Variants in ATAD3C observed in about 807,000 individuals in gnomAD.
The protein encoded by ATAD3C is ATPase family AAA domain containing 3C.
ATAD3C carries 38 observed loss-of-function variants against 46.3 expected under a neutral mutation model. The ratio of observed to expected loss-of-function variants is 0.82; its 90% confidence interval spans 0.63 to 1.08. The LOEUF (loss-of-function observed/expected upper bound fraction) is 1.08, where lower values mean the gene tolerates loss of function less well. Among genes scored for constraint, ATAD3C ranks in the 50% least tolerant of loss-of-function variants. The pLI is 0.00. For missense variants in ATAD3C, 563 were observed against 572.7 expected (o/e 0.98, Z 0.17); for synonymous variants, 220 against 236.4 (o/e 0.93, Z 0.63).
intron 2 of ATAD3C, 103 bp downstream of exon 2, chr1:1,452,225 G>A (rs1638872985): frequency 6.3e-7 from 1 of 1,579,744 alleles, no homozygotes; most frequent in Non-Finnish European, 8.6e-7. Context: ...GGCCGCTGTA[G>A]GCTGGCTCCT....
intron 1 of ATAD3C, 86 bp from the exon 2 acceptor site, chr1:1,451,960 T>C: frequency 6.4e-7 from 1 of 1,560,502 alleles, no homozygotes. Context: ...AGCCCTGCGG[T>C]CCTGGGGCGG....
intron 1 of ATAD3C, 136 bp downstream of exon 1, chr1:1,450,894 C>T (rs530374642): frequency 1.7e-5 from 24 of 1,381,760 alleles, no homozygotes; most frequent in Middle Eastern, 2.5e-4. Context: ...CAAGCTTGGG[C>T]GCCTCATTTC....
chr1:1,468,241 G>T (rs1383787082), intron 11 of ATAD3C, 143 bp from the exon 12 acceptor site: 8 of 1,362,380 alleles, frequency 5.9e-6, no homozygotes, highest in Non-Finnish European at 7.7e-6. Context: ...GCTGGGCTCT[G>T]CCGAGGTGCG....
chr1:1,466,455 AG>A (rs201813239), intron 11 of ATAD3C, among the ~76,000 whole-genome samples: 4,035 of 144,474 alleles, frequency 0.028, 212 homozygotes, highest in African/African-American at 0.098. Context: ...CAGGTGGCTG[AG>A]GCAAGAGAAT....
intron 9 of ATAD3C, among the ~76,000 whole-genome samples, chr1:1,460,505 G>A (rs1325459419): frequency 6.6e-6 from 1 of 152,066 alleles, no homozygotes; most frequent in Non-Finnish European, 1.5e-5. Flanking sequence ...ACGGTCAGCG[G>A]GGAAGTACCA....
chr1:1,463,230 C>G lies in ATAD3C; in HGVS notation c.1089+522C>G, dbSNP rs1048473162. Among the ~76,000 whole-genome samples, 35 of 152,088 alleles carry G rather than the reference C, an allele frequency of 2.3e-4. 1 individual carries two copies. The highest frequency in any genetic ancestry group is 8.5e-4 in the African/African-American group (35 of 41,416). Reference sequence around the variant, plus strand: ...TGCAGCTCCATGGCTGCCCCAGGGCCAAGGAGCTGGGACTCACAGGAGTGT... The same window carrying G: ...TGCAGCTCCATGGCTGCCCCAGGGCGAAGGAGCTGGGACTCACAGGAGTGT... On this transcript the variant is annotated intron_variant, in intron 11 of 11. Coordinates refer to ENST00000378785, the MANE Select transcript of ATAD3C (RefSeq NM_001039211.3).
chr1:1,468,321 G>C (rs1484980965), intron 11 of ATAD3C, 63 bp from the exon 12 acceptor site: 19 of 1,558,062 alleles, frequency 1.2e-5, no homozygotes, highest in South Asian at 3.6e-5. Flanking sequence ...TCAGGGCCCT[G>C]GCGTGCATTT....
At position 1,450,322 on chromosome 1, in the gene ATAD3C, C is replaced by CAA. The variant is rs538836491; in HGVS notation, c.-344_-343dup. 74 of 109,402 alleles carry CAA rather than the reference C, an allele frequency of 6.8e-4. No individual in the cohort carries two copies. Among genetic ancestry groups the CAA allele is most frequent in the Non-Finnish European group, 1.1e-3 (54 of 47,326 alleles). 6.8% of individuals were successfully genotyped at this position (109,402 alleles called of 1,614,324 possible). On this transcript the variant is annotated 5_prime_UTR_variant, in exon 1 of 12. It removes the in-frame stop codon of an upstream open reading frame in the 5' UTR. Coordinates refer to ENST00000378785, the MANE Select transcript of ATAD3C (RefSeq NM_001039211.3). ...CCTGGGCCAGAATGAGACTCCGTCT[C>CAA]AAAAAAAAAAAAAAAAAAAGCATGT...
intron 3 of ATAD3C, among the ~76,000 whole-genome samples, chr1:1,453,350 A>G (rs1379687623): frequency 6.6e-6 from 1 of 151,860 alleles, no homozygotes; most frequent in African/African-American, 2.4e-5. Context: ...TTACAGGTGC[A>G]GGTCACCATG....
chr1:1,452,301 CT>C, intron 2 of ATAD3C, 63 bp from the exon 3 acceptor site: 1 of 1,611,298 alleles, frequency 6.2e-7, no homozygotes. Flanking sequence ...CACCCTCAAC[CT>C]GTTCTTGCTA....
chr1:1,454,193 C>T (rs1237800356), intron 3 of ATAD3C, among the ~76,000 whole-genome samples, 152 bp from the exon 4 acceptor site: 2 of 152,130 alleles, frequency 1.3e-5, no homozygotes, highest in Admixed American at 6.5e-5. Flanking sequence ...CTGTGGGATT[C>T]GGGGCTGGGA....
chr1:1,454,560 C>T (rs1020047177), intron 4 of ATAD3C, 60 bp downstream of exon 4: 4 of 1,564,174 alleles, frequency 2.6e-6, no homozygotes, highest in Non-Finnish European at 3.5e-6. Context: ...CCTTCTGCCC[C>T]ACGAGCACAG....
intron 4 of ATAD3C, 144 bp from the exon 5 acceptor site, chr1:1,455,316 G>A (rs1638937352): frequency 1.7e-6 from 2 of 1,200,412 alleles, no homozygotes; most frequent in African/African-American, 1.5e-5. Flanking sequence ...CAGTCTCCCG[G>A]CGGGGCGGGG....
chr1:1,467,038 A>C (rs1276078026), intron 11 of ATAD3C, among the ~76,000 whole-genome samples: 1 of 152,036 alleles, frequency 6.6e-6, no homozygotes, highest in East Asian at 1.9e-4. Flanking sequence ...AAGTTGCAAG[A>C]GTAGCACAGA....
intron 8 of ATAD3C, among the ~76,000 whole-genome samples, 189 bp downstream of exon 8, chr1:1,457,369 T>C (rs1413585961): frequency 6.6e-6 from 1 of 151,662 alleles, no homozygotes; most frequent in African/African-American, 2.4e-5. Context: ...CCGAGGCAAG[T>C]GGATCACGAG....
chr1:1,469,549 A>G lies in ATAD3C; in HGVS notation c.*1019A>G, dbSNP rs1007174000. The G allele has an allele frequency of 2.6e-5, 4 of 151,038 alleles. No homozygotes were observed. The highest frequency in any genetic ancestry group is 2.0e-4 in the Admixed American group (3 of 15,078). 9.4% of individuals were successfully genotyped at this position (151,038 alleles called of 1,614,324 possible). On this transcript the variant is annotated 3_prime_UTR_variant, in exon 12 of 12. Coordinates refer to ENST00000378785, the MANE Select transcript of ATAD3C (RefSeq NM_001039211.3). ...ACTCATTTGGTTTTTCTCCTCTCTT[A>G]TTTTTTTGGGTAGAGACAGGGTCCC...
Position 1,456,208 on chromosome 1 carries a change from T to G in ATAD3C, c.565-17T>G. On this transcript the variant is annotated splice_polypyrimidine_tract_variant and intron_variant, in intron 6 of 11. Transcript: ENST00000378785. ...GAGGGAACATCTGTTCTGTCTCCCC[T>G]CACTCTTCTTGTCCAGAAACTCGCC... The G allele has an allele frequency of 6.6e-7, 1 of 1,504,566 alleles. No homozygotes were observed. Among genetic ancestry groups the G allele is most frequent in the African/African-American group, 2.0e-5 (1 of 50,420 alleles). 93.2% of individuals were successfully genotyped at this position (1,504,566 alleles called of 1,614,324 possible). A position where few individuals can be genotyped will look rare whatever the true frequency, so the allele number is the denominator to read the frequency against.
chr1:1,454,605 G>A (rs1293182777), intron 4 of ATAD3C, 105 bp downstream of exon 4: 17 of 1,468,894 alleles, frequency 1.2e-5, no homozygotes, highest in African/African-American at 4.6e-5. Flanking sequence ...CCCTTTCCCC[G>A]GATAACAGGC....
chr1:1,462,476 G>A lies in ATAD3C; in HGVS notation c.981-124G>A, dbSNP rs1639084073. 4 of 1,038,424 alleles carry A rather than the reference G, an allele frequency of 3.9e-6. No individual in the cohort carries two copies. Among genetic ancestry groups the A allele is most frequent in the Admixed American group, 2.1e-5 (1 of 48,690 alleles). 64.3% of individuals were successfully genotyped at this position (1,038,424 alleles called of 1,614,324 possible). A position where few individuals can be genotyped will look rare whatever the true frequency, so the allele number is the denominator to read the frequency against. ...AGGGGGCGGAACTTGGCTGTCACAG[G>A]TAGAGAGTCCCTCTCAAGGGGGCAT... On this transcript the variant is annotated intron_variant, in intron 10 of 11. Transcript: ENST00000378785. The surrounding 1 kb of genome is among the most constrained non-coding windows in gnomAD (Gnocchi z 4.5).
Sources: allele counts gnomAD v4.1 joint callset (sites outside exome capture counted in the v4.1 genomes callset), GRCh38; gene constraint gnomAD v4.1.1; non-coding constraint Gnocchi (gnomAD v3.1); transcripts MANE v1.5; gene names NCBI Gene and HGNC (gene_info 2026-07-23, HGNC 2026-07-21).